The following RBP5 variants were observed in gnomAD, a reference collection of about 807,000 sequenced individuals.
RBP5 encodes retinol binding protein 5.
A neutral mutation model predicts 17.8 loss-of-function variants in RBP5; 12 were observed. That is an observed-to-expected ratio of 0.67 (90% CI 0.43 to 1.09). RBP5 has a LOEUF of 1.09. Among genes scored for constraint, RBP5 ranks in the 50% least tolerant of loss-of-function variants. The pLI, the probability that RBP5 is intolerant of heterozygous loss-of-function variation, is 0.00. For missense variants in RBP5, 172 were observed against 169.4 expected (o/e 1.02, Z -0.09); for synonymous variants, 64 against 68.1 (o/e 0.94, Z 0.30).
intron 2 of RBP5, among the ~76,000 whole-genome samples, chr12:7,125,854 A>G (rs1015268310): frequency 1.3e-5 from 2 of 152,200 alleles, no homozygotes; most frequent in African/African-American, 4.8e-5. Context: ...TCATCACTGA[A>G]AGGGTGTAAG....
rs1002961789 is a variant in RBP5, at chr12:7,123,765, G to A, written c.*356C>T. On this transcript the variant is annotated 3_prime_UTR_variant, in exon 4 of 4. Coordinates refer to ENST00000266560, the MANE Select transcript of RBP5 (RefSeq NM_031491.4). Reference sequence around the variant, plus strand: ...CATCAGGATAGAATTTTCACTAATCGCCAAATGCCCAAAGCTTAGTTCTTT... The same window carrying A: ...CATCAGGATAGAATTTTCACTAATCACCAAATGCCCAAAGCTTAGTTCTTT... The A allele has an allele frequency of 2.5e-5, 5 of 203,420 alleles. No homozygotes were observed. The highest frequency in any genetic ancestry group is 1.5e-4 in the South Asian group (1 of 6,592). The allele number at this position is 203,420 out of a possible 1,614,324, so 12.6% of individuals were successfully genotyped here.
intron 2 of RBP5, among the ~76,000 whole-genome samples, chr12:7,126,489 TGTGGTGGTGGTG>T (rs71450185): frequency 3.1e-4 from 36 of 116,160 alleles, no homozygotes; most frequent in Non-Finnish European, 4.9e-4. Context: ...GCCGATTAGA[TGTGGTGGTGGTG>T]GTGGTGGTGG....
At position 7,128,740 on chromosome 12, in the gene RBP5, G is replaced by A. The variant is rs148829302; in HGVS notation, c.36C>T (p.Val12=). 6.5e-5 allele frequency: 104 copies of A among 1,605,470 alleles called. No individual in the cohort carries two copies. The Middle Eastern group carries it at 3.5e-3, about 54-fold the overall frequency. The change falls in exon 1 of 4, where the codon GTC becomes GTT. Residue 12 remains valine, a synonymous_variant. Transcript: ENST00000266560. This position sits in a 1 kb window ranked among gnomAD's most constrained non-coding sequence, Gnocchi z 5.3. ...GGTAGTCCTCCATGTTCTTCTGCGA[G>A]ACAAAGCGGTAGTAGCCAGTGAGGT... The part of the protein sequence containing the change: ...PPNLTGYYRF[V]SQKNMEDYLQ...
At position 7,124,130 on chromosome 12, in the gene RBP5, C is replaced by T; in HGVS notation, c.399G>A (p.Lys133=). 1 of 1,614,070 alleles carries T rather than the reference C, an allele frequency of 6.2e-7. No homozygotes were observed. Among genetic ancestry groups the T allele is most frequent in the Non-Finnish European group, 8.5e-7 (1 of 1,180,004 alleles). Residue 133 remains lysine, a synonymous_variant, in exon 4 of 4, where the codon AAG becomes AAA. Coordinates refer to ENST00000266560, the MANE Select transcript of RBP5 (RefSeq NM_031491.4). The surrounding 1 kb of genome is among the most constrained non-coding windows in gnomAD (Gnocchi z 5.3). Reference sequence around the variant, plus strand: ...CTTGGCTCCTCTCCGGCTATCTGACCTTCCTGAAGACCTGCTCGCACACTG... The same window carrying T: ...CTTGGCTCCTCTCCGGCTATCTGACTTTCCTGAAGACCTGCTCGCACACTG... ...RDAVCEQVFR[K]VR
At chr12:7,119,900 C>T (rs1463193723), downstream of RBP5, among the ~76,000 whole-genome samples, 1 of 152,256 alleles carries the variant, frequency 6.6e-6, no homozygotes, top group African/African-American at 2.4e-5. Flanking sequence ...GCATTTCATG[C>T]CTGGCCACTA....
At position 7,123,947 on chromosome 12, in the gene RBP5, G is replaced by A; in HGVS notation, c.*174C>T. ...GCAGTGGAGTGTGAGAAAGGACTTT[G>A]GCCTGGGGGCTGCAAGTTACAGATT... On this transcript the variant is annotated 3_prime_UTR_variant, in exon 4 of 4. Coordinates refer to ENST00000266560, the MANE Select transcript of RBP5 (RefSeq NM_031491.4). 1.6e-6 allele frequency: 1 copy of A among 628,800 alleles called. No homozygotes were observed. The highest frequency in any genetic ancestry group is 2.9e-6 in the Non-Finnish European group (1 of 347,518). The allele number at this position is 628,800 out of a possible 1,614,324, so 39.0% of individuals were successfully genotyped here.
At chr12:7,123,091 T>G (rs774404349), downstream of RBP5, among the ~76,000 whole-genome samples, 1 of 152,132 alleles carries the variant, frequency 6.6e-6, no homozygotes, top group Non-Finnish European at 1.5e-5. Context: ...TTCACTCTGA[T>G]AGTTGGGCCC....
downstream of RBP5, chr12:7,122,621 GA>G (rs1407860959): frequency 6.6e-6 from 1 of 152,270 alleles, no homozygotes; most frequent in African/African-American, 2.4e-5. Context: ...CGTCCTGTGG[GA>G]AGAGGCTTGG....
downstream of RBP5, among the ~76,000 whole-genome samples, chr12:7,122,962 G>T (rs1446094614): frequency 6.6e-6 from 1 of 152,028 alleles, no homozygotes; most frequent in Non-Finnish European, 1.5e-5. Flanking sequence ...TTGTGTGCAT[G>T]GGGGGGCCAG....
chr12:7,123,428 C>T (rs1939108563), downstream of RBP5, among the ~76,000 whole-genome samples: 1 of 152,156 alleles, frequency 6.6e-6, no homozygotes, highest in Admixed American at 6.5e-5. Flanking sequence ...GCTGCTTGCC[C>T]TTCCCAAAGC....
chr12:7,128,513 G>T lies in RBP5; in HGVS notation c.74-95C>A. The T allele has an allele frequency of 7.3e-7, 1 of 1,368,964 alleles. No homozygotes were observed. The highest frequency in any genetic ancestry group is 1.0e-6 in the Non-Finnish European group (1 of 975,808). The allele number at this position is 1,368,964 out of a possible 1,614,324, so 84.8% of individuals were successfully genotyped here. A position where few individuals can be genotyped will look rare whatever the true frequency, so the allele number is the denominator to read the frequency against. On this transcript the variant is annotated intron_variant, in intron 1 of 3. Coordinates refer to ENST00000266560, the MANE Select transcript of RBP5 (RefSeq NM_031491.4). This position sits in a 1 kb window ranked among gnomAD's most constrained non-coding sequence, Gnocchi z 5.3. ...CAGGGCTGTGAGTTTCCCTTCTTTG[G>T]GTCTGGGACTGTGGATTCACCCCCT... is the stretch of plus-strand genomic sequence containing the variant.
chr12:7,124,623 A>G lies in RBP5; in HGVS notation c.354+6T>C, dbSNP rs754827403. ...CTCCCAGACACCCAGCCCCCACCCC[A>G]TTTACCAGATACAGCATCTCTCCCT... On this transcript the variant is annotated splice_donor_region_variant and intron_variant, in intron 3 of 3. Transcript: ENST00000266560. The surrounding 1 kb of genome is among the most constrained non-coding windows in gnomAD (Gnocchi z 5.3). 24 of 1,433,430 alleles carry G rather than the reference A, an allele frequency of 1.7e-5. No homozygotes were observed. The Admixed American group carries it at 2.4e-4, about 14-fold the overall frequency. The allele number at this position is 1,433,430 out of a possible 1,614,324, so 88.8% of individuals were successfully genotyped here.
downstream of RBP5, among the ~76,000 whole-genome samples, chr12:7,122,968 G>C (rs1939101569): frequency 6.6e-6 from 1 of 152,090 alleles, no homozygotes; most frequent in Non-Finnish European, 1.5e-5. Flanking sequence ...GCATGGGGGG[G>C]CCAGCCGTTG....
upstream of RBP5, chr12:7,128,906 C>T (rs1027013827): frequency 1.0e-5 from 8 of 763,310 alleles, no homozygotes; most frequent in African/African-American, 1.7e-5. The surrounding 1 kb of genome is among the most constrained non-coding windows in gnomAD (Gnocchi z 5.3). Context: ...GCCGGGTTAC[C>T]AGGGCTTTTT....
At chr12:7,129,725 C>T (rs1939242178), upstream of RBP5, 12 of 985,488 alleles carry the variant, frequency 1.2e-5, no homozygotes, top group Non-Finnish European at 1.2e-5. The surrounding 1 kb of genome is among the most constrained non-coding windows in gnomAD (Gnocchi z 5.5). Flanking sequence ...GCCATCGTCC[C>T]GGGCTTCAGA....
chr12:7,124,066 C>T lies in RBP5; in HGVS notation c.*55G>A. 1.3e-6 allele frequency: 2 copies of T among 1,565,824 alleles called. No individual in the cohort carries two copies. The highest frequency in any genetic ancestry group is 2.2e-5 in the South Asian group (2 of 90,110). The stretch of plus-strand genomic sequence containing the variant: ...GCACAATCTGGGCTTGAAGGGGGCA[C>T]AACAAGAGCGTCTGTGAGCTGGTGC... On this transcript the variant is annotated 3_prime_UTR_variant, in exon 4 of 4. Transcript: ENST00000266560. This position sits in a 1 kb window ranked among gnomAD's most constrained non-coding sequence, Gnocchi z 5.3.
chr12:7,121,730 G>C (rs893829943), downstream of RBP5: 2 of 155,514 alleles, frequency 1.3e-5, no homozygotes, highest in South Asian at 2.0e-4. Context: ...GGACCATCTG[G>C]AGTTCCAGCT....
chr12:7,123,638 C>T (rs1939111884), downstream of RBP5: 1 of 157,222 alleles, frequency 6.4e-6, no homozygotes, highest in South Asian at 1.9e-4. Context: ...TTGTTGAGCA[C>T]ATGAGACTTT....
At chr12:7,119,319 T>C (rs866442814), downstream of RBP5, among the ~76,000 whole-genome samples, 1 of 151,030 alleles carries the variant, frequency 6.6e-6, no homozygotes, top group Admixed American at 6.6e-5. Context: ...TCTCCTGCAT[T>C]GAAGCCTTCT....
Sources: gnomAD v4.1 joint callset for allele counts (sites outside exome capture counted in the v4.1 genomes callset) on GRCh38, gnomAD v4.1.1 for gene constraint, Gnocchi (gnomAD v3.1) non-coding constraint, MANE v1.5 for transcripts, NCBI Gene and HGNC (gene_info 2026-07-23, HGNC 2026-07-21) for gene names.